The following ATRIP variants were observed in gnomAD, a reference collection of about 807,000 sequenced individuals.
ATRIP encodes ATR-interacting protein.
In ATRIP, 44 loss-of-function variants were observed where a neutral mutation model predicts 78.1. The observed-to-expected ratio is 0.56, with a 90% CI of 0.44 to 0.72. The LOEUF (loss-of-function observed/expected upper bound fraction) is 0.72, where lower values mean the gene tolerates loss of function less well. Among genes scored for constraint, ATRIP ranks in the 30% least tolerant of loss-of-function variants. ATRIP has a pLI of 0.00. For missense variants in ATRIP, 927 were observed against 980.2 expected (o/e 0.95, Z 0.72); for synonymous variants, 388 against 408.9 (o/e 0.95, Z 0.62).
At chr3:48,458,894 A>G (rs1575281809) in intron 5 of ATRIP, among the ~76,000 whole-genome samples, 1 of 152,344 alleles carries the variant, frequency 6.6e-6, no homozygotes, top group East Asian at 1.9e-4. Flanking sequence ...AGCAGGCAGT[A>G]GAGCCCAGTA....
Position 48,466,792 on chromosome 3 carries a change from G to C in ATRIP, c.*1238G>C. The stretch of plus-strand genomic sequence containing the variant: ...GCTGTCCACAGATGTGCCCTGGAGA[G>C]CCCCCCCACCTCTCAGGGGCCACCT... On this transcript the variant is annotated 3_prime_UTR_variant, in exon 13 of 13. Transcript: ENST00000320211. The C allele has an allele frequency of 6.2e-7, 1 of 1,613,752 alleles. No homozygotes were observed. The highest frequency in any genetic ancestry group is 1.1e-5 in the South Asian group (1 of 91,080).
chr3:48,460,799 G>C lies in ATRIP; in HGVS notation c.1745G>C (p.Arg582Thr), dbSNP rs766162973. ...AACACTTCCTGTGATTTCTTGCCCA[G>C]GTATTAAGCTGCATAGGAGTCATGA... The part of the protein sequence containing the change: ...AENTSCDFLP[R>T]FQCVFQVLPK... The change falls in exon 8 of 13, where the codon AGG becomes ACG. Residue 582 changes from arginine to threonine, a missense_variant and splice_region_variant. Transcript: ENST00000320211. The C allele has an allele frequency of 1.3e-6, 2 of 1,592,740 alleles. No homozygotes were observed. Among genetic ancestry groups the C allele is most frequent in the Non-Finnish European group, 8.6e-7 (1 of 1,164,440 alleles).
At chr3:48,459,244 G>T (rs2040033090) in intron 5 of ATRIP, 115 bp from the exon 6 acceptor site, 2 of 826,206 alleles carry the variant, frequency 2.4e-6, no homozygotes, top group Non-Finnish European at 3.9e-6. Flanking sequence ...GCTCTTGTTT[G>T]TTCCAAGTTC....
chr3:48,451,643 T>C lies in ATRIP; in HGVS notation c.382-86T>C, dbSNP rs371819088. 3.9e-5 allele frequency: 46 copies of C among 1,168,558 alleles called. 1 individual carries two copies. In the African/African-American group the frequency reaches 6.0e-4, roughly 15 times the overall value. 72.4% of individuals were successfully genotyped at this position (1,168,558 alleles called of 1,614,324 possible). Reference sequence around the variant, plus strand: ...ATTTGTCTGTTTTTCCTGTGCTTTCTCCATCTCCCCAACTACATGTTAAAA... The same window carrying C: ...ATTTGTCTGTTTTTCCTGTGCTTTCCCCATCTCCCCAACTACATGTTAAAA... On this transcript the variant is annotated intron_variant, in intron 2 of 12. Coordinates refer to ENST00000320211, the MANE Select transcript of ATRIP (RefSeq NM_130384.3).
In ATRIP at chr3:48,464,834, G is replaced by T; in HGVS notation, c.2059G>T (p.Val687Phe). The T allele has an allele frequency of 6.2e-7, 1 of 1,609,312 alleles. No homozygotes were observed. Among genetic ancestry groups the T allele is most frequent in the Non-Finnish European group, 8.5e-7 (1 of 1,176,354 alleles). Residue 687 changes from valine (V) to phenylalanine (F), a missense_variant, in exon 12 of 13, where the codon GTC becomes TTC. Val to Phe is a conservative substitution (Grantham distance 50, BLOSUM62 -1). Coordinates refer to ENST00000320211, the MANE Select transcript of ATRIP (RefSeq NM_130384.3). ...GSNCQCNVEV[V>F]RALTVMLHRQ... is the part of the protein sequence containing the mutation. ...GTCTGCACCCCCCCTCTCTCAGGTG[G>T]TCAGAGCGCTCACGGTGATGTTGCA...
chr3:48,452,842 A>C (rs181400761), intron 3 of ATRIP, among the ~76,000 whole-genome samples: 3 of 151,740 alleles, frequency 2.0e-5, no homozygotes, highest in African/African-American at 7.3e-5. Context: ...CATTCTAATA[A>C]AATAGTCAGA....
chr3:48,454,057 G>A (rs563345295), intron 3 of ATRIP, among the ~76,000 whole-genome samples: 18 of 151,996 alleles, frequency 1.2e-4, no homozygotes, highest in Non-Finnish European at 2.2e-4. Context: ...CACCACACCC[G>A]GCCAGGGCTG....
At chr3:48,457,233 T>A in intron 4 of ATRIP, 26 bp from the exon 5 acceptor site, 1 of 1,519,046 alleles carries the variant, frequency 6.6e-7, no homozygotes, top group Non-Finnish European at 8.8e-7. Context: ...AATCATTACT[T>A]TGCTTTCATA....
chr3:48,463,671 C>T, intron 8 of ATRIP, 74 bp from the exon 9 acceptor site: 2 of 1,586,240 alleles, frequency 1.3e-6, no homozygotes, highest in Non-Finnish European at 1.7e-6. Flanking sequence ...TCTGTTACCT[C>T]TAGTGGAGTG....
chr3:48,456,508 A>G (rs926200594), intron 4 of ATRIP, among the ~76,000 whole-genome samples: 2 of 151,978 alleles, frequency 1.3e-5, no homozygotes, highest in African/African-American at 4.8e-5. Flanking sequence ...ATGAGGTGGG[A>G]AGATCACTAA....
chr3:48,464,501 A>T (rs920663663), intron 10 of ATRIP, 81 bp from the exon 11 acceptor site: 2 of 1,424,900 alleles, frequency 1.4e-6, no homozygotes, highest in African/African-American at 2.8e-5. Context: ...AAGCAAGTGA[A>T]CTCTTATAGA....
chr3:48,451,615 C>A, intron 2 of ATRIP, 114 bp from the exon 3 acceptor site: 1 of 841,382 alleles, frequency 1.2e-6, no homozygotes, highest in Non-Finnish European at 1.9e-6. Context: ...ATTTTGAGTA[C>A]TCATTTGTCT....
chr3:48,465,461 C>T, intron 12 of ATRIP, 26 bp from the exon 13 acceptor site: 1 of 1,611,268 alleles, frequency 6.2e-7, no homozygotes, highest in Non-Finnish European at 8.5e-7. Context: ...TGGGCCCTCA[C>T]CAGGAACCTC....
chr3:48,450,212 C>G, intron 2 of ATRIP, 42 bp downstream of exon 2: 1 of 1,587,268 alleles, frequency 6.3e-7, no homozygotes, highest in Non-Finnish European at 8.6e-7. Flanking sequence ...AATTCATTCA[C>G]TTACGTGTTT....
intron 8 of ATRIP, 127 bp downstream of exon 8, chr3:48,460,926 C>T: frequency 1.0e-6 from 1 of 969,134 alleles, no homozygotes; most frequent in South Asian, 1.8e-5. Flanking sequence ...AGGCTTGGTT[C>T]AGGGAGTTCT....
intron 5 of ATRIP, among the ~76,000 whole-genome samples, chr3:48,457,921 C>T (rs569130396): frequency 5.1e-4 from 77 of 151,856 alleles, no homozygotes; most frequent in Non-Finnish European, 8.4e-4. Flanking sequence ...ATGTGCACAA[C>T]GTGCAGGTGT....
At chr3:48,451,269 C>T (rs986856825) in intron 2 of ATRIP, among the ~76,000 whole-genome samples, 6 of 152,038 alleles carry the variant, frequency 3.9e-5, no homozygotes, top group African/African-American at 1.2e-4. Flanking sequence ...GTGAGAGAAT[C>T]GCTTGAACCC....
chr3:48,462,897 A>T (rs1404470823), intron 8 of ATRIP, among the ~76,000 whole-genome samples: 1 of 152,204 alleles, frequency 6.6e-6, no homozygotes, highest in Non-Finnish European at 1.5e-5. Context: ...GCAACTAAAA[A>T]GCATTGAACT....
intron 4 of ATRIP, among the ~76,000 whole-genome samples, chr3:48,455,445 T>C (rs1282724291): frequency 6.6e-6 from 1 of 152,140 alleles, no homozygotes; most frequent in Non-Finnish European, 1.5e-5. Context: ...AATTATGATA[T>C]TTATTTTGAT....
Sources: allele counts gnomAD v4.1 joint callset (sites outside exome capture counted in the v4.1 genomes callset), GRCh38; gene constraint gnomAD v4.1.1; transcripts MANE v1.5; gene names NCBI Gene and HGNC (gene_info 2026-07-23, HGNC 2026-07-21).